RNF180: variants seen among roughly 807,000 people sequenced by gnomAD.
The protein encoded by RNF180 is E3 ubiquitin-protein ligase RNF180.
In RNF180, 38 loss-of-function variants were observed where a neutral mutation model predicts 59.2. That is an observed-to-expected ratio of 0.64 (90% CI 0.50 to 0.84). The LOEUF (loss-of-function observed/expected upper bound fraction) is 0.84. RNF180 is among the 40% of genes least tolerant of loss of function. RNF180 has a pLI of 0.00. For missense variants in RNF180, 705 were observed against 700.9 expected, an observed-to-expected ratio of 1.01 and a Z score of -0.07; for synonymous variants, 262 against 240.3, an observed-to-expected ratio of 1.09 and a Z score of -0.84.
chr5:64,249,216 A>G (rs1306440387), intron 5 of RNF180, among the ~76,000 whole-genome samples: 1 of 152,244 alleles, frequency 6.6e-6, no homozygotes, highest in East Asian at 1.9e-4. Flanking sequence ...ACAATCCTGC[A>G]CATTCTGCAC....
intron 5 of RNF180, among the ~76,000 whole-genome samples, chr5:64,275,996 A>G (rs1741692078): frequency 6.6e-6 from 1 of 151,962 alleles, no homozygotes; most frequent in African/African-American, 2.4e-5. Flanking sequence ...TCATTCTCCC[A>G]CCAATTATAA....
intron 1 of RNF180, among the ~76,000 whole-genome samples, chr5:64,179,476 T>G (rs1417838525): frequency 6.6e-6 from 1 of 152,202 alleles, no homozygotes; most frequent in East Asian, 1.9e-4. Context: ...TACTTTGTTT[T>G]ACATGCTTTA....
At chr5:64,360,623 A>T (rs939495463) in intron 7 of RNF180, among the ~76,000 whole-genome samples, 1 of 151,778 alleles carries the variant, frequency 6.6e-6, no homozygotes, top group African/African-American at 2.4e-5. Context: ...TTCTATTTTT[A>T]TGCAAACTGT....
At chr5:64,260,940 CTTTT>C (rs77043934) in intron 5 of RNF180, among the ~76,000 whole-genome samples, 1 of 137,172 alleles carries the variant, frequency 7.3e-6, no homozygotes, top group African/African-American at 2.6e-5. Flanking sequence ...TCAGTTTCCT[CTTTT>C]TTTTTTTTTT....
intron 7 of RNF180, among the ~76,000 whole-genome samples, chr5:64,339,448 A>G (rs763466875): frequency 3.3e-5 from 5 of 152,192 alleles, no homozygotes; most frequent in Non-Finnish European, 7.3e-5. Flanking sequence ...TGGTTGGATC[A>G]TCTTGATTAA....
At chr5:64,339,101 A>T (rs1745253430) in intron 7 of RNF180, among the ~76,000 whole-genome samples, 1 of 151,666 alleles carries the variant, frequency 6.6e-6, no homozygotes, top group Non-Finnish European at 1.5e-5. Flanking sequence ...ATATCTAGTT[A>T]TGCTCTTTGA....
intron 1 of RNF180, among the ~76,000 whole-genome samples, chr5:64,174,570 G>A (rs545491674): frequency 6.8e-4 from 103 of 151,952 alleles, no homozygotes; most frequent in African/African-American, 2.3e-3. Context: ...GTTAGTGATC[G>A]TTGAGCATTT....
chr5:64,269,663 G>A (rs1744895657), intron 5 of RNF180, among the ~76,000 whole-genome samples: 1 of 152,114 alleles, frequency 6.6e-6, no homozygotes, highest in Admixed American at 6.6e-5. Context: ...GGACATCAGA[G>A]TAAATCACAT....
chr5:64,197,143 C>T (rs906202247), intron 1 of RNF180, among the ~76,000 whole-genome samples: 13 of 152,254 alleles, frequency 8.5e-5, no homozygotes, highest in African/African-American at 3.1e-4. Context: ...CAAAGAAATG[C>T]AACTTCGTTA....
At chr5:64,281,352 T>A (rs1742002741) in intron 5 of RNF180, among the ~76,000 whole-genome samples, 1 of 152,246 alleles carries the variant, frequency 6.6e-6, no homozygotes, top group African/African-American at 2.4e-5. Context: ...CTAGGCATGA[T>A]GAGAATGGGA....
At position 64,178,202 on chromosome 5, in the gene RNF180, C is replaced by CA. The variant is rs67465847; in HGVS notation, c.-1+12269dup. On this transcript the variant is annotated intron_variant, in intron 1 of 7. Coordinates refer to ENST00000389100, the MANE Select transcript of RNF180 (RefSeq NM_001113561.2). ...CTGGTGACGGAGCTAGACTCCATCT[C>CA]AAAAAAAAAAAAAAAAAAAAGAAAA... Among the ~76,000 whole-genome samples the CA allele has an allele frequency of 1.8e-3, 157 of 86,770 alleles. 1 individual carries two copies. The highest frequency in any genetic ancestry group is 4.3e-3 in the African/African-American group (99 of 22,932). The allele number at this position is 86,770 out of a possible 152,430, so 56.9% of individuals were successfully genotyped here.
intron 7 of RNF180, among the ~76,000 whole-genome samples, chr5:64,341,678 A>G (rs1263854223): frequency 3.3e-5 from 5 of 152,122 alleles, no homozygotes. Flanking sequence ...ATCCTATTCT[A>G]CAATCATGAA....
At chr5:64,219,244 T>G (rs1047925092) in intron 5 of RNF180, among the ~76,000 whole-genome samples, 4 of 152,178 alleles carry the variant, frequency 2.6e-5, no homozygotes, top group African/African-American at 9.7e-5. Flanking sequence ...TCATGTGTTT[T>G]CAATGTTAAT....
chr5:64,359,983 C>G (rs1363534217), intron 7 of RNF180, among the ~76,000 whole-genome samples: 1 of 151,896 alleles, frequency 6.6e-6, no homozygotes, highest in African/African-American at 2.4e-5. Flanking sequence ...CTGTTCTGTT[C>G]CATTGATCTA....
chr5:64,288,221 C>T (rs1446261078), intron 5 of RNF180, among the ~76,000 whole-genome samples: 1 of 151,786 alleles, frequency 6.6e-6, no homozygotes, highest in Non-Finnish European at 1.5e-5. Flanking sequence ...AAGGTGTGGT[C>T]TTACTTCTGA....
chr5:64,357,097 A>G (rs1477073676), intron 7 of RNF180, among the ~76,000 whole-genome samples: 4 of 151,890 alleles, frequency 2.6e-5, no homozygotes, highest in Non-Finnish European at 4.4e-5. Context: ...TATAAACTAT[A>G]TTGAAATTTA....
At chr5:64,339,527 C>T (rs966706586) in intron 7 of RNF180, among the ~76,000 whole-genome samples, 12 of 152,166 alleles carry the variant, frequency 7.9e-5, no homozygotes, top group Non-Finnish European at 1.5e-4. Context: ...TTATACCACA[C>T]TATTTCATAT....
At chr5:64,218,905 T>A (rs558151945) in intron 5 of RNF180, among the ~76,000 whole-genome samples, 27 of 152,330 alleles carry the variant, frequency 1.8e-4, no homozygotes, top group African/African-American at 6.3e-4. Context: ...ACTTTGTATC[T>A]TGTGTTATTA....
intron 7 of RNF180, among the ~76,000 whole-genome samples, chr5:64,361,435 G>C (rs1344146312): frequency 6.6e-6 from 1 of 151,532 alleles, no homozygotes; most frequent in Non-Finnish European, 1.5e-5. Context: ...CATCTTCAGA[G>C]ATACAGAGAA....
Sources: allele counts gnomAD v4.1 joint callset (sites outside exome capture counted in the v4.1 genomes callset), GRCh38; gene constraint gnomAD v4.1.1; transcripts MANE v1.5; gene names NCBI Gene and HGNC (gene_info 2026-07-23, HGNC 2026-07-21).